ANKRD36C: variants seen among roughly 807,000 people sequenced by gnomAD.
ANKRD36C encodes ankyrin repeat domain-containing protein 36C.
In ANKRD36C, 61 loss-of-function variants were observed where a neutral mutation model predicts 276.4. That is an observed-to-expected ratio of 0.22 (90% CI 0.18 to 0.27). The LOEUF (loss-of-function observed/expected upper bound fraction) is 0.27. Ranked by LOEUF, ANKRD36C falls within the 10% of genes least tolerant of loss-of-function variation. The pLI is 1.00. For synonymous variants in ANKRD36C, 483 were observed against 680.1 expected, an observed-to-expected ratio of 0.71 and a Z score of 4.51; for missense variants, 1,447 against 2,032.3, an observed-to-expected ratio of 0.71 and a Z score of 5.54.
At chr2:95,918,652 T>C (rs895271774) in intron 34 of ANKRD36C, among the ~76,000 whole-genome samples, 1 of 151,712 alleles carries the variant, frequency 6.6e-6, no homozygotes, top group African/African-American at 2.4e-5. Flanking sequence ...TGCCTAAGTT[T>C]CTTGGATCCA....
At chr2:95,890,197 A>G (rs1222196125) in intron 46 of ANKRD36C, among the ~76,000 whole-genome samples, 1 of 151,466 alleles carries the variant, frequency 6.6e-6, no homozygotes, top group Non-Finnish European at 1.5e-5. Flanking sequence ...ATATCCTTAC[A>G]ATTTTAAAGA....
intron 48 of ANKRD36C, among the ~76,000 whole-genome samples, chr2:95,888,526 TACAA>T (rs1433854916): frequency 6.6e-6 from 1 of 151,676 alleles, no homozygotes; most frequent in African/African-American, 2.4e-5. Flanking sequence ...ACCATTATAG[TACAA>T]ACATTCATTG....
intron 6 of ANKRD36C, among the ~76,000 whole-genome samples, chr2:95,971,152 G>C (rs1205421518): frequency 6.6e-6 from 1 of 151,940 alleles, no homozygotes; most frequent in Admixed American, 6.6e-5. Flanking sequence ...CAAAACTATG[G>C]GGACAGCAAA....
At chr2:95,857,634 C>A in intron 61 of ANKRD36C, 142 bp from the exon 82 acceptor site, 1 of 636,528 alleles carries the variant, frequency 1.6e-6, no homozygotes, top group Non-Finnish European at 2.7e-6. Context: ...TTTTATTTGA[C>A]CCTGTATATT....
intron 17 of ANKRD36C, among the ~76,000 whole-genome samples, chr2:95,946,401 G>A (rs1323409373): frequency 7.0e-6 from 1 of 142,190 alleles, no homozygotes; most frequent in Non-Finnish European, 1.5e-5. Flanking sequence ...TAAAAAGTCA[G>A]GAAACAACAG....
intron 38 of ANKRD36C, 33 bp downstream of exon 40, chr2:95,915,947 G>A (rs1190283933): frequency 3.2e-6 from 5 of 1,539,694 alleles, no homozygotes; most frequent in Admixed American, 3.9e-5. Context: ...TATCTGGACT[G>A]AACATGACAT....
At chr2:95,956,704 G>A in intron 13 of ANKRD36C, 82 bp downstream of exon 13, 1 of 1,264,712 alleles carries the variant, frequency 7.9e-7, no homozygotes, top group Non-Finnish European at 1.1e-6. Flanking sequence ...TAGCACAGAG[G>A]AGAACACTAA....
At chr2:95,961,949 T>C (rs72492198) in intron 8 of ANKRD36C, among the ~76,000 whole-genome samples, 5,296 of 152,126 alleles carry the variant, frequency 0.035, 100 homozygotes, top group Middle Eastern at 0.044. Context: ...GTTCTCTTTC[T>C]ACATTGTTTA....
At position 95,889,881 on chromosome 2, in the gene ANKRD36C, A is replaced by T; in HGVS notation, c.2887-10T>A. On this transcript the variant is annotated splice_polypyrimidine_tract_variant and intron_variant, in intron 47 of 66. Transcript: ENST00000456556. ...CCTTGTCACTTGTAGCCTGAATGGA[A>T]TTTGAAACACAACAGTCAATAAATA... The T allele has an allele frequency of 6.2e-7, 1 of 1,606,690 alleles. No individual in the cohort carries two copies. Among genetic ancestry groups the T allele is most frequent in the African/African-American group, 1.3e-5 (1 of 74,730 alleles).
chr2:95,884,037 T>G, intron 54 of ANKRD36C, 136 bp downstream of exon 74: 4 of 1,048,604 alleles, frequency 3.8e-6, no homozygotes, highest in Non-Finnish European at 5.6e-6. Context: ...ACCCGAGAAC[T>G]TATTACAAAT....
At chr2:95,927,468 C>A in intron 26 of ANKRD36C, 59 bp from the exon 27 acceptor site, 4 of 1,600,934 alleles carry the variant, frequency 2.5e-6, no homozygotes, top group Admixed American at 3.4e-5. Flanking sequence ...TTTATCCATA[C>A]ATTCATGAAG....
At chr2:95,985,012 A>G (rs1679000286) in intron 3 of ANKRD36C, among the ~76,000 whole-genome samples, 1 of 152,244 alleles carries the variant, frequency 6.6e-6, no homozygotes. Context: ...AAAAAGGTTT[A>G]GAATTTTTTA....
At chr2:95,975,966 A>G (rs930375983) in intron 6 of ANKRD36C, among the ~76,000 whole-genome samples, 9 of 152,230 alleles carry the variant, frequency 5.9e-5, no homozygotes, top group Non-Finnish European at 1.0e-4. Flanking sequence ...AAGTGGGCGA[A>G]GGATATGAAC....
chr2:95,892,461 G>A (rs1203457792), intron 44 of ANKRD36C, among the ~76,000 whole-genome samples: 1 of 151,394 alleles, frequency 6.6e-6, no homozygotes, highest in Non-Finnish European at 1.5e-5. Context: ...GTAATAATCT[G>A]CCTAAGTTTC....
intron 3 of ANKRD36C, among the ~76,000 whole-genome samples, 166 bp from the exon 4 acceptor site, chr2:95,982,528 C>T (rs1246935670): frequency 1.6e-5 from 2 of 128,654 alleles, no homozygotes; most frequent in Non-Finnish European, 3.2e-5. Flanking sequence ...CTGCTCCTTC[C>T]CCTGGAAACA....
exon 52 of ANKRD36C, chr2:95,886,050 G>A: frequency 1.2e-6 from 2 of 1,609,214 alleles, no homozygotes; most frequent in Non-Finnish European, 1.7e-6. Flanking sequence ...CAAAATACCT[G>A]TCCCACGTAT....
chr2:95,857,533 G>C (rs1389351681), intron 61 of ANKRD36C, 41 bp from the exon 82 acceptor site: 22 of 1,513,416 alleles, frequency 1.5e-5, no homozygotes, highest in South Asian at 9.4e-5. Context: ...TATCAGTGAG[G>C]ACTAAGCTCT....
At chr2:95,903,411 A>T in intron 42 of ANKRD36C, among the ~76,000 whole-genome samples, 1 of 150,754 alleles carries the variant, frequency 6.6e-6, no homozygotes, top group East Asian at 2.0e-4. Context: ...CATACACCTG[A>T]GAATCAATGT....
At position 95,889,790 on chromosome 2, in the gene ANKRD36C, C is replaced by G. The variant is rs1558628212; in HGVS notation, c.2959+9G>C. 1.3e-6 allele frequency: 2 copies of G among 1,580,284 alleles called. No homozygotes were observed. The highest frequency in any genetic ancestry group is 4.7e-5 in the East Asian group (2 of 43,010). The stretch of plus-strand genomic sequence containing the variant: ...ACGAACATCCTATTAAATGTGTTTG[C>G]AAAATTACCTGTCCCAGATATTTGT... On this transcript the variant is annotated intron_variant, in intron 48 of 66. Transcript: ENST00000456556.
Sources: allele counts gnomAD v4.1 joint callset (sites outside exome capture counted in the v4.1 genomes callset), GRCh38; gene constraint gnomAD v4.1.1; transcripts MANE v1.5; gene names NCBI Gene and HGNC (gene_info 2026-07-23, HGNC 2026-07-21).